Variants in CADM2 observed in about 807,000 individuals in gnomAD.
The protein encoded by CADM2 is immunoglobulin superfamily member 4D.
A neutral mutation model predicts 49.8 loss-of-function variants in CADM2; 12 were observed. That is an observed-to-expected ratio of 0.24 (90% CI 0.15 to 0.39). CADM2 has a LOEUF of 0.39. Among genes scored for constraint, CADM2 ranks in the 10% least tolerant of loss-of-function variants. CADM2 has a pLI of 1.00. For missense variants in CADM2, 378 were observed against 492.3 expected, an observed-to-expected ratio of 0.77 and a Z score of 2.20; for synonymous variants, 214 against 175.4, an observed-to-expected ratio of 1.22 and a Z score of -1.74.
At chr3:86,020,475 T>C (rs1403450518) in intron 8 of CADM2, among the ~76,000 whole-genome samples, 1 of 151,970 alleles carries the variant, frequency 6.6e-6, no homozygotes, top group African/African-American at 2.4e-5. Flanking sequence ...GAATCCTCCC[T>C]AACTCATTTT....
chr3:84,986,993 G>A (rs1430520811), intron 1 of CADM2, among the ~76,000 whole-genome samples: 1 of 151,512 alleles, frequency 6.6e-6, no homozygotes, highest in Admixed American at 6.6e-5. Context: ...CGGAGGGTGC[G>A]GTGAGCCGAG....
chr3:85,279,932 A>G (rs1251827548), intron 1 of CADM2, among the ~76,000 whole-genome samples: 2 of 151,626 alleles, frequency 1.3e-5, no homozygotes, highest in African/African-American at 4.8e-5. Context: ...TTTGGAAATC[A>G]ACTGCTTATT....
intron 7 of CADM2, among the ~76,000 whole-genome samples, chr3:85,957,963 G>A (rs1724256280): frequency 2.0e-5 from 3 of 151,920 alleles, no homozygotes. Context: ...AAAGTAAAGA[G>A]CTTCTTTCTG....
intron 1 of CADM2, among the ~76,000 whole-genome samples, chr3:85,711,471 G>T (rs956680603): frequency 2.0e-5 from 3 of 152,098 alleles, no homozygotes; most frequent in African/African-American, 7.2e-5. Context: ...TTAACTGTGA[G>T]ATTTACTAAT....
chr3:85,786,218 C>T (rs1024928315), intron 2 of CADM2, among the ~76,000 whole-genome samples: 1 of 152,002 alleles, frequency 6.6e-6, no homozygotes, highest in African/African-American at 2.4e-5. Context: ...AAAAACACTT[C>T]ATTATAATTT....
intron 1 of CADM2, among the ~76,000 whole-genome samples, chr3:85,329,102 T>A (rs2044836592): frequency 6.6e-6 from 1 of 152,040 alleles, no homozygotes; most frequent in Non-Finnish European, 1.5e-5. Context: ...GATAACTGTA[T>A]GAAGAAACAC....
chr3:85,759,227 G>A (rs1283700573), intron 2 of CADM2, among the ~76,000 whole-genome samples: 1 of 151,882 alleles, frequency 6.6e-6, no homozygotes, highest in Non-Finnish European at 1.5e-5. Context: ...CTCTGCTATG[G>A]TTCTTTATTC....
intron 8 of CADM2, 114 bp downstream of exon 8, chr3:85,961,761 C>G: frequency 1.9e-6 from 1 of 526,904 alleles, no homozygotes; most frequent in Non-Finnish European, 3.1e-6. Flanking sequence ...CTTTTTACTT[C>G]AGGACATCTT....
At chr3:85,429,049 A>G (rs2036551265) in intron 1 of CADM2, among the ~76,000 whole-genome samples, 1 of 152,042 alleles carries the variant, frequency 6.6e-6, no homozygotes. Context: ...GTTTGACAAT[A>G]ACATATTATA....
intron 3 of CADM2, among the ~76,000 whole-genome samples, chr3:85,841,555 G>T (rs763279337): frequency 1.1e-4 from 16 of 151,968 alleles, no homozygotes; most frequent in Non-Finnish European, 2.1e-4. Flanking sequence ...TGAAGTACTT[G>T]TTTTAAACTA....
intron 1 of CADM2, among the ~76,000 whole-genome samples, chr3:85,049,127 A>G (rs963371280): frequency 3.9e-5 from 6 of 152,108 alleles, no homozygotes; most frequent in African/African-American, 1.4e-4. Context: ...GATAATGGCT[A>G]ATTGGCCTGG....
At chr3:86,049,989 A>G (rs1400813995) in intron 8 of CADM2, among the ~76,000 whole-genome samples, 1 of 152,196 alleles carries the variant, frequency 6.6e-6, no homozygotes. Flanking sequence ...ATGCTTTTCC[A>G]GAAGTCCCCC....
At chr3:85,999,135 C>A (rs1729802743) in intron 8 of CADM2, among the ~76,000 whole-genome samples, 1 of 151,894 alleles carries the variant, frequency 6.6e-6, no homozygotes, top group African/African-American at 2.4e-5. Context: ...GAGGGAAATT[C>A]TTAGCAATTA....
chr3:86,027,581 G>A (rs1359597818), intron 8 of CADM2, among the ~76,000 whole-genome samples: 2 of 152,028 alleles, frequency 1.3e-5, no homozygotes, highest in Admixed American at 6.6e-5. Context: ...TGATTCTCAA[G>A]TTTATTTAAA....
intron 3 of CADM2, among the ~76,000 whole-genome samples, chr3:85,859,802 C>G (rs1460853181): frequency 6.6e-6 from 1 of 152,044 alleles, no homozygotes; most frequent in East Asian, 1.9e-4. Context: ...TTATGTTGTT[C>G]TCATTCGCAA....
At chr3:85,707,555 T>C (rs2066989920) in intron 1 of CADM2, among the ~76,000 whole-genome samples, 1 of 152,130 alleles carries the variant, frequency 6.6e-6, no homozygotes, top group South Asian at 2.1e-4. Context: ...ATAGTACATC[T>C]GCACTGAAAA....
At chr3:85,686,377 T>C (rs954377782) in intron 1 of CADM2, among the ~76,000 whole-genome samples, 1 of 152,176 alleles carries the variant, frequency 6.6e-6, no homozygotes, top group Admixed American at 6.5e-5. Flanking sequence ...CGCTGGTTAG[T>C]GTCCTAAAAA....
intron 1 of CADM2, among the ~76,000 whole-genome samples, chr3:85,212,958 G>A (rs919282889): frequency 2.7e-5 from 4 of 150,736 alleles, no homozygotes; most frequent in Non-Finnish European, 4.4e-5. Flanking sequence ...TCCGCTCACT[G>A]CAACCTTCGC....
intron 2 of CADM2, among the ~76,000 whole-genome samples, chr3:85,745,751 G>T (rs1010233768): frequency 1.3e-5 from 2 of 152,120 alleles, no homozygotes; most frequent in African/African-American, 4.8e-5. Context: ...TGTAGTCCCA[G>T]CTACTCAGGA....
Sources: gnomAD v4.1 joint callset for allele counts (sites outside exome capture counted in the v4.1 genomes callset) on GRCh38, gnomAD v4.1.1 for gene constraint, MANE v1.5 for transcripts, NCBI Gene and HGNC (gene_info 2026-07-23, HGNC 2026-07-21) for gene names.